Variants in APP observed in about 807,000 individuals in gnomAD.
APP encodes amyloid-beta precursor protein.
In APP, 31 loss-of-function variants were observed where a neutral mutation model predicts 101.4. That is an observed-to-expected ratio of 0.31 (90% CI 0.23 to 0.41). APP has a LOEUF of 0.41. Among genes scored for constraint, APP ranks in the 10% least tolerant of loss-of-function variants. The pLI, the probability that APP is intolerant of heterozygous loss-of-function variation, is 1.00. For missense variants in APP, 839 were observed against 1,003.7 expected (o/e 0.84, Z 2.22); for synonymous variants, 366 against 364.4 (o/e 1.00, Z -0.05).
chr21:26,030,777 C>A (rs543319526), intron 5 of APP, among the ~76,000 whole-genome samples: 7 of 152,152 alleles, frequency 4.6e-5, no homozygotes, highest in African/African-American at 1.7e-4. Flanking sequence ...AAACTGTGAA[C>A]GAGCAAATTC....
chr21:26,129,380 G>T (rs1426874386), intron 1 of APP, among the ~76,000 whole-genome samples: 9 of 151,762 alleles, frequency 5.9e-5, no homozygotes, highest in Admixed American at 5.9e-4. Context: ...CTGAAGCAGA[G>T]AATTGCTTGA....
intron 3 of APP, chr21:26,089,663 T>C (rs2061779894): frequency 3.1e-6 from 1 of 319,438 alleles, no homozygotes; most frequent in Non-Finnish European, 6.0e-6. Flanking sequence ...GATCCGCTAC[T>C]ATAGGCATTT....
chr21:25,937,277 G>C (rs2040401608), intron 13 of APP, among the ~76,000 whole-genome samples: 1 of 152,202 alleles, frequency 6.6e-6, no homozygotes, highest in Admixed American at 6.5e-5. Flanking sequence ...AAACAAGGGA[G>C]TTTAAATTGC....
intron 3 of APP, among the ~76,000 whole-genome samples, chr21:26,080,791 A>G (rs889516526): frequency 6.6e-6 from 1 of 151,974 alleles, no homozygotes; most frequent in Non-Finnish European, 1.5e-5. Context: ...AAAAGAAAAA[A>G]AAATCCTGCT....
At chr21:26,063,384 C>A (rs1045090853) in intron 3 of APP, among the ~76,000 whole-genome samples, 1 of 152,144 alleles carries the variant, frequency 6.6e-6, no homozygotes, top group Non-Finnish European at 1.5e-5. Flanking sequence ...CCAGTGGCAA[C>A]GAGCATCCTT....
intron 8 of APP, 119 bp downstream of exon 8, chr21:25,997,241 A>C (rs771351718): frequency 2.2e-4 from 219 of 988,188 alleles, no homozygotes; most frequent in Non-Finnish European, 2.8e-4. Flanking sequence ...GAAACATTTT[A>C]CTAAGACAGG....
chr21:25,917,167 G>A (rs1048415951), intron 13 of APP, among the ~76,000 whole-genome samples: 9 of 151,782 alleles, frequency 5.9e-5, no homozygotes, highest in Middle Eastern at 3.2e-3. Context: ...AGGCTAAGGC[G>A]GGAGAATTGC....
intron 8 of APP, among the ~76,000 whole-genome samples, chr21:25,995,448 G>A (rs1269675923): frequency 1.1e-4 from 3 of 28,358 alleles, no homozygotes; most frequent in East Asian, 2.1e-3. Flanking sequence ...TGTGGAGTGC[G>A]GCCAAAACGT....
At chr21:26,033,948 C>G (rs963776675) in intron 5 of APP, among the ~76,000 whole-genome samples, 2 of 152,158 alleles carry the variant, frequency 1.3e-5, no homozygotes, top group African/African-American at 4.8e-5. Flanking sequence ...TCATGGTAGA[C>G]TTGAGATTCT....
At chr21:26,130,730 A>G (rs971571136) in intron 1 of APP, among the ~76,000 whole-genome samples, 3 of 152,242 alleles carry the variant, frequency 2.0e-5, no homozygotes, top group Non-Finnish European at 4.4e-5. Flanking sequence ...AGGTCTGGAC[A>G]GCACCAATAT....
At chr21:25,913,907 T>C (rs532832492) in intron 13 of APP, among the ~76,000 whole-genome samples, 2 of 152,334 alleles carry the variant, frequency 1.3e-5, no homozygotes, top group East Asian at 3.9e-4. Flanking sequence ...AAAGATCTCC[T>C]ACCTTTGGGT....
At chr21:25,956,695 T>A (rs1028722574) in intron 11 of APP, among the ~76,000 whole-genome samples, 2 of 152,168 alleles carry the variant, frequency 1.3e-5, no homozygotes, top group Admixed American at 1.3e-4. Context: ...AGTTGGAAGG[T>A]ACAAAATTTA....
At chr21:26,010,216 A>C (rs533563241) in intron 6 of APP, among the ~76,000 whole-genome samples, 18 of 149,982 alleles carry the variant, frequency 1.2e-4, no homozygotes, top group African/African-American at 2.0e-4. Context: ...TTTTGAACAA[A>C]AAAAAAAAAA....
intron 6 of APP, among the ~76,000 whole-genome samples, chr21:26,018,422 C>T (rs1449065991): frequency 6.6e-6 from 1 of 152,172 alleles, no homozygotes; most frequent in African/African-American, 2.4e-5. Flanking sequence ...AATGAGTAAT[C>T]ACCTATGGCG....
intron 3 of APP, among the ~76,000 whole-genome samples, chr21:26,076,575 T>G (rs866175141): frequency 7.9e-5 from 12 of 152,328 alleles, no homozygotes; most frequent in Middle Eastern, 3.4e-3. Flanking sequence ...AATTCAGCCC[T>G]AAAGTCTATC....
Position 25,891,776 on chromosome 21 carries a change from G to A in APP, c.2157C>T (p.Thr719=). ...ACTGTTTCTTCTTCAGCATCACCAAGGTGATGACGATCACTGTCGCTATGA... is the reference window on the plus strand; with the variant it reads ...ACTGTTTCTTCTTCAGCATCACCAAAGTGATGACGATCACTGTCGCTATGA... ...GVVIATVIVI[T]LVMLKKKQYT... is the part of the protein sequence containing the mutation. Residue 719 remains threonine (T), a synonymous_variant, in exon 17 of 18, where the codon ACC becomes ACT. Transcript: ENST00000346798. 6.2e-7 allele frequency: 1 copy of A among 1,614,082 alleles called. No homozygotes were observed.
At chr21:26,053,405 G>T (rs1306028306) in intron 3 of APP, 57 bp from the exon 4 acceptor site, 3 of 1,230,760 alleles carry the variant, frequency 2.4e-6, no homozygotes, top group Non-Finnish European at 3.6e-6. Flanking sequence ...TGTTCTTACC[G>T]CAGAAGACAT....
intron 1 of APP, among the ~76,000 whole-genome samples, chr21:26,145,710 C>A (rs528370844): frequency 6.6e-6 from 1 of 152,278 alleles, no homozygotes; most frequent in Admixed American, 6.5e-5. Flanking sequence ...TGCCCAGAGT[C>A]AGATTTTGTC....
At chr21:26,105,173 T>C (rs2062154762) in intron 2 of APP, among the ~76,000 whole-genome samples, 1 of 151,856 alleles carries the variant, frequency 6.6e-6, no homozygotes, top group Admixed American at 6.6e-5. Context: ...CCAGGAATTC[T>C]ATACCTAATG....
Sources: gnomAD v4.1 joint callset for allele counts (sites outside exome capture counted in the v4.1 genomes callset) on GRCh38, gnomAD v4.1.1 for gene constraint, MANE v1.5 for transcripts, NCBI Gene and HGNC (gene_info 2026-07-23, HGNC 2026-07-21) for gene names.